POP1: variants seen among roughly 807,000 people sequenced by gnomAD.
POP1 encodes ribonucleases P/MRP protein subunit POP1.
A neutral mutation model predicts 102.2 loss-of-function variants in POP1; 75 were observed. That is an observed-to-expected ratio of 0.73 (90% CI 0.61 to 0.89). The LOEUF (loss-of-function observed/expected upper bound fraction) is 0.89, where lower values mean the gene tolerates loss of function less well. POP1 is among the 40% of genes least tolerant of loss of function. The pLI is 0.00. For synonymous variants in POP1, 436 were observed against 464.1 expected (o/e 0.94, Z 0.78); for missense variants, 1,116 against 1,267.4 (o/e 0.88, Z 1.81).
chr8:98,119,039 G>GA lies in POP1; in HGVS notation c.-3+1649_-3+1650insA, dbSNP rs532328048. On this transcript the variant is annotated intron_variant, in intron 1 of 15. Transcript: ENST00000401707. The stretch of plus-strand genomic sequence containing the variant: ...TTAAATGAATAAGTCATGTAGAATA[G>GA]TGCCTGCCACATCAAGTTCTCAATG... Among the ~76,000 whole-genome samples, 257 of 152,244 alleles carry GA rather than the reference G, an allele frequency of 1.7e-3. 1 individual carries two copies. The highest frequency in any genetic ancestry group is 5.7e-3 in the African/African-American group (237 of 41,548).
Position 98,117,320 on chromosome 8 carries a change from G to C in POP1, c.-73G>C, listed in dbSNP as rs561129199. 118 of 578,682 alleles carry C rather than the reference G, an allele frequency of 2.0e-4. 1 individual carries two copies. In the Admixed American group the frequency reaches 2.9e-3, roughly 14 times the overall value. 35.8% of individuals were successfully genotyped at this position (578,682 alleles called of 1,614,324 possible). A position where few individuals can be genotyped will look rare whatever the true frequency, so the allele number is the denominator to read the frequency against. ...GCGCTCTCCAGCGCGCTCTCCAGGAGCTTTGGCTCGGTGGGTACTGTCGCG... is the reference window on the plus strand; with the variant it reads ...GCGCTCTCCAGCGCGCTCTCCAGGACCTTTGGCTCGGTGGGTACTGTCGCG... On this transcript the variant is annotated 5_prime_UTR_variant, in exon 1 of 16. Transcript: ENST00000401707.
intron 1 of POP1, among the ~76,000 whole-genome samples, chr8:98,120,466 T>C (rs1275020499): frequency 6.6e-6 from 1 of 152,170 alleles, no homozygotes; most frequent in African/African-American, 2.4e-5. Context: ...ACAGTATGTA[T>C]ATGTTTGTTC....
chr8:98,147,605 GGA>G (rs1809390923), intron 12 of POP1, among the ~76,000 whole-genome samples: 1 of 152,138 alleles, frequency 6.6e-6, no homozygotes, highest in Non-Finnish European at 1.5e-5. Flanking sequence ...TGAGGAAGCT[GGA>G]GAGAGACTGT....
At position 98,139,409 on chromosome 8, in the gene POP1, G is replaced by A. The variant is rs531428521; in HGVS notation, c.1363-669G>A. 2.0e-5 allele frequency among the ~76,000 whole-genome samples: 3 copies of A among 152,256 alleles called. No individual in the cohort carries two copies. The East Asian group carries it at 5.8e-4, about 29-fold the overall frequency. ...TGAGGAACATTTTATTGCTTACATT[G>A]GAGATGATGAAGTTAGCTCTAGTGG... On this transcript the variant is annotated intron_variant, in intron 9 of 15. Transcript: ENST00000401707.
In POP1 at chr8:98,157,687, C is replaced by T. The variant is rs1348705677; in HGVS notation, c.2491C>T (p.Arg831Ter). Reference sequence around the variant, plus strand: ...TTCTGAGGATAGTCGGGGAGGCCGGCGAGCTCCCGGCAGAGGCCAGCAAGG... The same window carrying T: ...TTCTGAGGATAGTCGGGGAGGCCGGTGAGCTCCCGGCAGAGGCCAGCAAGG... The part of the protein sequence containing the change: ...PSSEDSRGGR[R>*]APGRGQQGLT... Residue 831 changes from arginine to a stop codon, truncating the protein, a stop_gained, in exon 16 of 16, where the codon CGA becomes TGA. Coordinates refer to ENST00000401707, the MANE Select transcript of POP1 (RefSeq NM_001145860.2). LOFTEE classifies it low-confidence loss of function (END_TRUNC). The T allele has an allele frequency of 4.3e-6, 7 of 1,614,188 alleles. No homozygotes were observed. The East Asian group carries it at 6.7e-5, about 15-fold the overall frequency.
intron 14 of POP1, among the ~76,000 whole-genome samples, chr8:98,151,091 TG>T (rs200139994): frequency 0.082 from 12,531 of 152,050 alleles, 572 homozygotes; most frequent in Non-Finnish European, 0.11. Flanking sequence ...ACTGTTTGTT[TG>T]TTTGTTTTTT....
intron 4 of POP1, among the ~76,000 whole-genome samples, chr8:98,129,227 G>A (rs556723766): frequency 1.3e-5 from 2 of 152,182 alleles, no homozygotes; most frequent in African/African-American, 4.8e-5. Context: ...TCAATGCTTA[G>A]CATTTGCTTT....
intron 9 of POP1, among the ~76,000 whole-genome samples, chr8:98,137,496 C>T (rs1816580294): frequency 6.6e-6 from 1 of 152,160 alleles, no homozygotes; most frequent in Admixed American, 6.5e-5. Flanking sequence ...CCATGTTGGA[C>T]AGGCTGGTCT....
intron 10 of POP1, among the ~76,000 whole-genome samples, chr8:98,140,502 G>A (rs77420684): frequency 6.6e-6 from 1 of 152,326 alleles, no homozygotes; most frequent in African/African-American, 2.4e-5. Context: ...CATAGCTGCT[G>A]TAGTTATCAC....
In POP1 at chr8:98,140,086, G is replaced by A. The variant is rs773962590; in HGVS notation, c.1371G>A (p.Glu457=). 1.9e-6 allele frequency: 3 copies of A among 1,613,178 alleles called. No homozygotes were observed. The highest frequency in any genetic ancestry group is 3.3e-5 in the Admixed American group (2 of 59,938). The change falls in exon 10 of 16, where the codon GAG becomes GAA. Residue 457 remains glutamate (E), a synonymous_variant. Transcript: ENST00000401707. ...IKAASVHTVG[E]DTEETPHRWW... ...TAGTTGTTATTTTTCAGGTGGGAGAGGACACAGAGGAGACACCTCACCGCT... is the reference window on the plus strand; with the variant it reads ...TAGTTGTTATTTTTCAGGTGGGAGAAGACACAGAGGAGACACCTCACCGCT...
chr8:98,158,159 C>G lies in POP1; in HGVS notation c.2963C>G (p.Thr988Arg), dbSNP rs1456843051. The change falls in exon 16 of 16, where the codon ACA (threonine) becomes AGA (arginine). Residue 988 changes from threonine (T) to arginine (R), a missense_variant. By Grantham distance (71) the Thr-to-Arg change is moderately conservative. Transcript: ENST00000401707. ...GAAGCCCTGGGGTTTGTTAGCTTGA[C>G]AGGCTTGCTGGATATGCTGTCCAGC... The part of the protein sequence containing the change: ...CGEALGFVSL[T>R]GLLDMLSSQP... The G allele has an allele frequency of 1.2e-6, 2 of 1,609,414 alleles. No individual in the cohort carries two copies. Among genetic ancestry groups the G allele is most frequent in the Non-Finnish European group, 1.7e-6 (2 of 1,178,444 alleles).
At chr8:98,125,928 CT>C (rs1816190059) in intron 2 of POP1, among the ~76,000 whole-genome samples, 1 of 152,144 alleles carries the variant, frequency 6.6e-6, no homozygotes, top group African/African-American at 2.4e-5. Flanking sequence ...TCACTTCAAC[CT>C]TGACCTCCTG....
At position 98,140,092 on chromosome 8, in the gene POP1, A is replaced by G. The variant is rs1816663154; in HGVS notation, c.1377A>G (p.Thr459=). The G allele has an allele frequency of 6.2e-7, 1 of 1,613,970 alleles. No individual in the cohort carries two copies. The highest frequency in any genetic ancestry group is 8.5e-7 in the Non-Finnish European group (1 of 1,179,846). The change falls in exon 10 of 16, where the codon ACA becomes ACG. Residue 459 remains threonine (T), a synonymous_variant. Coordinates refer to ENST00000401707, the MANE Select transcript of POP1 (RefSeq NM_001145860.2). ...TTATTTTTCAGGTGGGAGAGGACAC[A>G]GAGGAGACACCTCACCGCTGGTGGA... ...AASVHTVGED[T]EETPHRWWIE... is the part of the protein sequence containing the mutation.
chr8:98,132,964 G>C (rs1816423880), intron 5 of POP1, among the ~76,000 whole-genome samples: 1 of 133,418 alleles, frequency 7.5e-6, no homozygotes, highest in South Asian at 2.5e-4. Flanking sequence ...TGTAGTCCCA[G>C]CTACCTGGGA....
At chr8:98,123,505 A>C in intron 2 of POP1, 26 bp downstream of exon 2, 1 of 1,607,828 alleles carries the variant, frequency 6.2e-7, no homozygotes, top group South Asian at 1.1e-5. Flanking sequence ...GAGACCAGGC[A>C]TGGTGGCTCA....
rs1427522180 is a variant in POP1, at chr8:98,159,709, A to T, written c.*1438A>T. 1.3e-5 allele frequency: 2 copies of T among 151,788 alleles called. No individual in the cohort carries two copies. Among genetic ancestry groups the T allele is most frequent in the African/African-American group, 4.8e-5 (2 of 41,248 alleles). The allele number at this position is 151,788 out of a possible 1,614,324, so 9.4% of individuals were successfully genotyped here. A position where few individuals can be genotyped will look rare whatever the true frequency, so the allele number is the denominator to read the frequency against. ...TCAGGAAGTACCTGCCACCAATGAG[A>T]TGTCTGATGCTTTGCCTCTTACCAT... On this transcript the variant is annotated 3_prime_UTR_variant, in exon 16 of 16. Coordinates refer to ENST00000401707, the MANE Select transcript of POP1 (RefSeq NM_001145860.2).
chr8:98,147,347 G>A (rs1197290413), intron 12 of POP1, among the ~76,000 whole-genome samples: 7 of 152,172 alleles, frequency 4.6e-5, no homozygotes, highest in Admixed American at 2.6e-4. Flanking sequence ...TAAGATTGCA[G>A]GAAGTAAGAA....
intron 5 of POP1, among the ~76,000 whole-genome samples, chr8:98,130,554 G>A (rs1024767842): frequency 6.6e-6 from 1 of 151,546 alleles, no homozygotes; most frequent in East Asian, 1.9e-4. Context: ...TGGGAGGAGA[G>A]GGGGAAGGCA....
intron 12 of POP1, among the ~76,000 whole-genome samples, chr8:98,147,274 C>T (rs775688875): frequency 6.6e-6 from 1 of 152,158 alleles, no homozygotes; most frequent in Non-Finnish European, 1.5e-5. Flanking sequence ...TTTGAACTGA[C>T]TCTCAGATGG....
Sources: allele counts gnomAD v4.1 joint callset (sites outside exome capture counted in the v4.1 genomes callset), GRCh38; gene constraint gnomAD v4.1.1; transcripts MANE v1.5; gene names NCBI Gene and HGNC (gene_info 2026-07-23, HGNC 2026-07-21).